Variants in FANCA observed in about 807,000 individuals in gnomAD.
The protein encoded by FANCA is FA complementation group A.
FANCA carries 236 observed loss-of-function variants against 194.3 expected under a neutral mutation model. The observed-to-expected ratio is 1.21, with a 90% CI of 1.09 to 1.35. FANCA has a LOEUF of 1.35. FANCA is among the 40% of genes most tolerant of loss of function. The probability of loss-of-function intolerance (pLI) is 0.00; values close to 1 mark genes in which losing one functional copy is unlikely to be tolerated. For missense variants in FANCA, 2,628 were observed against 1,813.9 expected (o/e 1.45, Z -8.15); for synonymous variants, 1,014 against 715.8 (o/e 1.42, Z -6.65).
intron 3 of FANCA, among the ~76,000 whole-genome samples, chr16:89,811,693 A>G (rs1439705803): frequency 6.6e-6 from 1 of 151,598 alleles, no homozygotes; most frequent in Non-Finnish European, 1.5e-5. Flanking sequence ...ATGCCAAGAA[A>G]TCATTTTCTA....
Position 89,739,939 on chromosome 16 carries a change from A to T in FANCA, c.3934+55T>A, listed in dbSNP as rs7195906. The T allele has an allele frequency of 0.46, 737,290 of 1,604,774 alleles. 184,066 individuals are homozygous for T. Among genetic ancestry groups the T allele is most frequent in the East Asian group, 0.98 (43,671 of 44,640 alleles). On this transcript the variant is annotated intron_variant, in intron 39 of 42. Transcript: ENST00000389301. ...GGGCTCGTTCTTAACCATTTGCAAG[A>T]TGCCTCTGAAAAGAGCGGCCCTCCG...
chr16:89,749,171 C>A (rs953573534), intron 32 of FANCA, among the ~76,000 whole-genome samples: 3 of 152,168 alleles, frequency 2.0e-5, no homozygotes, highest in Non-Finnish European at 4.4e-5. Flanking sequence ...CCTACTTTCA[C>A]AAGAGCTCCT....
At chr16:89,787,942 T>C (rs984200008) in intron 14 of FANCA, among the ~76,000 whole-genome samples, 4 of 151,914 alleles carry the variant, frequency 2.6e-5, no homozygotes, top group East Asian at 2.0e-4. Context: ...GGTCTGATCT[T>C]GGCTCACTGC....
intron 17 of FANCA, among the ~76,000 whole-genome samples, chr16:89,782,462 G>C (rs1244639390): frequency 1.3e-5 from 2 of 151,252 alleles, no homozygotes; most frequent in Admixed American, 1.3e-4. Context: ...AGTGAGCCGA[G>C]ATTGCGCCAC....
chr16:89,756,147 A>G (rs1052919531), intron 30 of FANCA, among the ~76,000 whole-genome samples: 5 of 152,240 alleles, frequency 3.3e-5, no homozygotes, highest in Non-Finnish European at 7.3e-5. Flanking sequence ...CTCGTTGTTA[A>G]CCAGAACATT....
At chr16:89,778,551 C>G (rs1215009979) in intron 20 of FANCA, 1 of 464,964 alleles carries the variant, frequency 2.2e-6, no homozygotes, top group East Asian at 4.4e-5. Context: ...TCGCTTGAAC[C>G]TAAGATGTGG....
In FANCA at chr16:89,767,254, T is replaced by C. The variant is rs573321651; in HGVS notation, c.2505-17A>G. 5.8e-6 allele frequency: 9 copies of C among 1,540,632 alleles called. No homozygotes were observed. The African/African-American group carries it at 1.1e-4, about 19-fold the overall frequency. On this transcript the variant is annotated splice_polypyrimidine_tract_variant and intron_variant, in intron 26 of 42. Transcript: ENST00000389301. The stretch of plus-strand genomic sequence containing the variant: ...GTACAAAATCTGAAAACAGAAATTA[T>C]AACATATAAATGTAATCCATACAAA...
At chr16:89,746,500 G>A in intron 35 of FANCA, 84 bp downstream of exon 35, 1 of 1,064,056 alleles carries the variant, frequency 9.4e-7, no homozygotes. Flanking sequence ...CCGTGATGGA[G>A]ACGTGCTGCA....
At chr16:89,795,851 G>A (rs1340891873) in intron 11 of FANCA, 55 bp downstream of exon 11, 1 of 1,308,998 alleles carries the variant, frequency 7.6e-7, no homozygotes, top group Admixed American at 1.7e-5. Context: ...AGGCAACAAG[G>A]CAACAGCAAT....
At chr16:89,813,310 G>C (rs111583419) in intron 3 of FANCA, among the ~76,000 whole-genome samples, 1 of 151,824 alleles carries the variant, frequency 6.6e-6, no homozygotes, top group African/African-American at 2.4e-5. Flanking sequence ...CAAGATGCTG[G>C]GGTGGGAGGA....
intron 32 of FANCA, among the ~76,000 whole-genome samples, chr16:89,749,517 T>G (rs2038506623): frequency 6.6e-6 from 1 of 152,204 alleles, no homozygotes. Flanking sequence ...ATGAACCACC[T>G]CGCTTGGCTG....
chr16:89,786,016 T>A (rs1377402300), intron 14 of FANCA, among the ~76,000 whole-genome samples: 2 of 42,532 alleles, frequency 4.7e-5, no homozygotes, highest in Non-Finnish European at 7.1e-5. Context: ...CTCCCAGCTA[T>A]TTTTTTTTTT....
chr16:89,786,899 T>C (rs4522419), intron 14 of FANCA, among the ~76,000 whole-genome samples: 108,803 of 152,096 alleles, frequency 0.72, 40,749 homozygotes, highest in East Asian at 0.99. Context: ...GCACACCATG[T>C]CTTATCACCC....
At chr16:89,803,425 G>C (rs1311269849) in intron 7 of FANCA, 84 bp from the exon 8 acceptor site, 3 of 1,273,896 alleles carry the variant, frequency 2.4e-6, no homozygotes, top group African/African-American at 1.5e-5. Context: ...CACTTCAGAG[G>C]GGCGGGTGAG....
At position 89,770,218 on chromosome 16, in the gene FANCA, CCA is replaced by C. The variant is rs752839367; in HGVS notation, c.2262_2263del (p.Cys754TrpfsTer39). On this transcript the variant is annotated frameshift_variant, in exon 25 of 43. Transcript: ENST00000389301. LOFTEE classifies it high-confidence loss of function. Reference sequence around the variant, plus strand: ...GGTGAGCACTGCAGGGAGCACACGTCCACACATGGTCCTCACGAAGAGGGCAG... The same window carrying C: ...GGTGAGCACTGCAGGGAGCACACGTCCACATGGTCCTCACGAAGAGGGCAG... 1 of 1,592,988 alleles carries C rather than the reference CCA, an allele frequency of 6.3e-7. No homozygotes were observed. Among genetic ancestry groups the C allele is most frequent in the East Asian group, 2.3e-5 (1 of 44,208 alleles).
chr16:89,784,836 T>C lies in FANCA; in HGVS notation c.1470+18A>G, dbSNP rs2039843476. 1.3e-6 allele frequency: 2 copies of C among 1,586,554 alleles called. No homozygotes were observed. Among genetic ancestry groups the C allele is most frequent in the African/African-American group, 2.7e-5 (2 of 74,348 alleles). On this transcript the variant is annotated intron_variant, in intron 15 of 42. Transcript: ENST00000389301. ...AGCGAAGCACCAGAAATCATGGATG[T>C]GGCAGCCAGCTTCTCACCTGCAGGT...
intron 17 of FANCA, among the ~76,000 whole-genome samples, chr16:89,781,867 G>C (rs1343955851): frequency 7.7e-5 from 11 of 142,664 alleles, no homozygotes; most frequent in Admixed American, 5.8e-4. Context: ...CAGGCGTGGT[G>C]GCAGGCATCT....
intron 29 of FANCA, among the ~76,000 whole-genome samples, chr16:89,759,349 A>AAGG (rs1386463570): frequency 7.2e-6 from 1 of 139,460 alleles, no homozygotes; most frequent in Non-Finnish European, 1.6e-5. Flanking sequence ...AAAAAAAAAA[A>AAGG]GTAGCCTGGA....
chr16:89,797,192 A>G (rs1471355190), intron 10 of FANCA, among the ~76,000 whole-genome samples: 1 of 151,996 alleles, frequency 6.6e-6, no homozygotes, highest in Non-Finnish European at 1.5e-5. Context: ...TTAGCCAGGC[A>G]TGGTGGCACA....
Sources: allele counts gnomAD v4.1 joint callset (sites outside exome capture counted in the v4.1 genomes callset), GRCh38; gene constraint gnomAD v4.1.1; transcripts MANE v1.5; gene names NCBI Gene and HGNC (gene_info 2026-07-23, HGNC 2026-07-21).